METTL16: variants seen among roughly 807,000 people sequenced by gnomAD.
The protein encoded by METTL16 is methyltransferase 16, RNA N6-adenosine.
In METTL16, 19 loss-of-function variants were observed where a neutral mutation model predicts 57.9. That is an observed-to-expected ratio of 0.33 (90% CI 0.23 to 0.48). The LOEUF (loss-of-function observed/expected upper bound fraction) is 0.48. Among genes scored for constraint, METTL16 ranks in the 20% least tolerant of loss-of-function variants. The pLI is 0.99. For synonymous variants in METTL16, 246 were observed against 255.6 expected, an observed-to-expected ratio of 0.96 and a Z score of 0.36; for missense variants, 434 against 691.5, an observed-to-expected ratio of 0.63 and a Z score of 4.18.
At chr17:2,445,516 T>C (rs540358738) in intron 6 of METTL16, among the ~76,000 whole-genome samples, 1 of 152,328 alleles carries the variant, frequency 6.6e-6, no homozygotes, top group East Asian at 1.9e-4. Flanking sequence ...ATATGCGTGG[T>C]GGCTCACGCC....
rs1047779867 is a variant in METTL16, at chr17:2,443,963, T to G, written c.729-2404A>C. ...AAGTTTTAGTTTTTAGCATAGCATGTTGACTATAGTTAATAATGACATATT... is the reference window on the plus strand; with the variant it reads ...AAGTTTTAGTTTTTAGCATAGCATGGTGACTATAGTTAATAATGACATATT... On this transcript the variant is annotated intron_variant, in intron 6 of 9. Transcript: ENST00000263092. Among the ~76,000 whole-genome samples the G allele has an allele frequency of 7.2e-5, 11 of 152,218 alleles. No individual in the cohort carries two copies. The East Asian group carries it at 7.7e-4, about 11-fold the overall frequency.
At position 2,420,158 on chromosome 17, in the gene METTL16, C is replaced by T. The variant is rs1252021097; in HGVS notation, c.1501G>A (p.Ala501Thr). 1 of 1,614,226 alleles carries T rather than the reference C, an allele frequency of 6.2e-7. No homozygotes were observed. Among genetic ancestry groups the T allele is most frequent in the Admixed American group, 1.7e-5 (1 of 60,030 alleles). ...EASEQFGSPVAERGKRLPGVA... is the reference protein window; with the variant it reads ...EASEQFGSPVTERGKRLPGVA... ...CCTGGGAGACGTTTCCCCCTTTCAG[C>T]CACTGGGCTGCCGAACTGCTCAGAA... is the stretch of plus-strand genomic sequence containing the variant. Residue 501 changes from alanine to threonine, a missense_variant, in exon 10 of 10, where the codon GCT becomes ACT. Around this residue, in one of 5 missense-constraint regions of METTL16, gnomAD observed 168 missense variants for 149.6 expected, o/e 1.12. Coordinates refer to ENST00000263092, the MANE Select transcript of METTL16 (RefSeq NM_024086.4). The surrounding 1 kb of genome is among the most constrained non-coding windows in gnomAD (Gnocchi z 5.4).
intron 8 of METTL16, among the ~76,000 whole-genome samples, chr17:2,429,065 T>C (rs2066849207): frequency 6.6e-6 from 1 of 151,816 alleles, no homozygotes; most frequent in Non-Finnish European, 1.5e-5. Flanking sequence ...TCCATGTTGG[T>C]TGGGCTGGTC....
intron 8 of METTL16, among the ~76,000 whole-genome samples, chr17:2,426,512 C>G (rs899656961): frequency 1.3e-5 from 2 of 151,926 alleles, no homozygotes; most frequent in Non-Finnish European, 2.9e-5. Flanking sequence ...AGGTAGATCA[C>G]AAGGTCAGGA....
intron 6 of METTL16, among the ~76,000 whole-genome samples, chr17:2,444,943 T>A (rs1490652329): frequency 6.6e-6 from 1 of 152,096 alleles, no homozygotes; most frequent in African/African-American, 2.4e-5. Context: ...CTTGAACTCC[T>A]GACCTCAGGT....
At chr17:2,443,091 C>T (rs536563810) in intron 6 of METTL16, among the ~76,000 whole-genome samples, 41 of 152,040 alleles carry the variant, frequency 2.7e-4, no homozygotes, top group African/African-American at 9.2e-4. Context: ...CGGGCTCAAG[C>T]GATTTTCCCG....
At chr17:2,468,493 C>T (rs117796038) in intron 4 of METTL16, among the ~76,000 whole-genome samples, 108 of 152,200 alleles carry the variant, frequency 7.1e-4, no homozygotes, top group African/African-American at 2.4e-3. Flanking sequence ...ACAACTTGAC[C>T]GCAAATGCAT....
rs1481235973 is a variant in METTL16, at chr17:2,477,731, G to C, written c.283C>G (p.His95Asp). The change falls in exon 3 of 10, where the codon CAC (histidine) becomes GAC (aspartate). Residue 95 changes from histidine (H) to aspartate (D), a missense_variant. Around this residue, in one of 5 missense-constraint regions of METTL16, gnomAD observed 118 missense variants for 280.0 expected, o/e 0.42. Coordinates refer to ENST00000263092, the MANE Select transcript of METTL16 (RefSeq NM_024086.4). The stretch of plus-strand genomic sequence containing the variant: ...AGAGTACTTTTGTCAGAATCCTGGT[G>C]ACCGATCAGATCTTCTACCCAGTGA... ...YIHWVEDLIG[H>D]QDSDKSTLRR... The C allele has an allele frequency of 6.2e-7, 1 of 1,613,944 alleles. No homozygotes were observed. The highest frequency in any genetic ancestry group is 1.3e-5 in the African/African-American group (1 of 75,038).
chr17:2,468,011 T>C (rs1417725640), intron 4 of METTL16, 135 bp from the exon 5 acceptor site: 1 of 635,124 alleles, frequency 1.6e-6, no homozygotes, highest in Non-Finnish European at 2.8e-6. Flanking sequence ...ACCACATTTT[T>C]ACTGTACCTT....
chr17:2,441,125 A>G (rs889292944), intron 7 of METTL16, among the ~76,000 whole-genome samples: 8 of 152,208 alleles, frequency 5.3e-5, no homozygotes, highest in Admixed American at 4.6e-4. Flanking sequence ...ATTCAGCCAT[A>G]AAAAAGAATG....
At chr17:2,474,401 A>AAAAAAAAAAAG (rs1567898319) in intron 3 of METTL16, among the ~76,000 whole-genome samples, 2 of 151,150 alleles carry the variant, frequency 1.3e-5, no homozygotes, top group African/African-American at 4.9e-5. Context: ...AAAAAAAAAA[A>AAAAAAAAAAAG]AAAAAAGCTA....
At chr17:2,474,955 T>G (rs1279102404) in intron 3 of METTL16, among the ~76,000 whole-genome samples, 1 of 151,978 alleles carries the variant, frequency 6.6e-6, no homozygotes, top group Admixed American at 6.6e-5. Flanking sequence ...TCTTGGCCAA[T>G]TAGATCCTAA....
intron 3 of METTL16, among the ~76,000 whole-genome samples, chr17:2,473,977 T>G (rs1350339698): frequency 1.3e-5 from 2 of 152,208 alleles, no homozygotes; most frequent in Non-Finnish European, 2.9e-5. Context: ...GTCATACATG[T>G]TATGGCTACT....
downstream of METTL16, chr17:2,415,774 A>G (rs2066709771): frequency 6.6e-6 from 1 of 152,086 alleles, no homozygotes; most frequent in African/African-American, 2.4e-5. Context: ...GAGCCACCGC[A>G]CCCGGCCTTC....
intron 2 of METTL16, among the ~76,000 whole-genome samples, chr17:2,500,430 G>T (rs2067479023): frequency 6.6e-6 from 1 of 151,854 alleles, no homozygotes; most frequent in African/African-American, 2.4e-5. Flanking sequence ...ACAGGCTTGC[G>T]CCACCACACC....
At chr17:2,492,611 G>T (rs1172572015) in intron 2 of METTL16, among the ~76,000 whole-genome samples, 1 of 151,982 alleles carries the variant, frequency 6.6e-6, no homozygotes, top group Non-Finnish European at 1.5e-5. Context: ...CACAGCTAAG[G>T]CCGGCCACAG....
intron 6 of METTL16, among the ~76,000 whole-genome samples, chr17:2,448,800 TTTAAA>T (rs1298419055): frequency 0.084 from 5,337 of 63,754 alleles, 172 homozygotes; most frequent in South Asian, 0.17. Flanking sequence ...AAAAATAAAA[TTTAAA>T]AAAAAAAAAA....
At chr17:2,504,382 A>G (rs2067514536) in intron 1 of METTL16, among the ~76,000 whole-genome samples, 1 of 152,238 alleles carries the variant, frequency 6.6e-6, no homozygotes, top group African/African-American at 2.4e-5. Context: ...TATGTTATGT[A>G]TATTTTTCCA....
At chr17:2,494,831 C>CTATT (rs2151577183) in intron 2 of METTL16, among the ~76,000 whole-genome samples, 1 of 152,052 alleles carries the variant, frequency 6.6e-6, no homozygotes, top group East Asian at 1.9e-4. Context: ...AACCCCATCT[C>CTATT]TACTAAAATA....
Sources: allele counts gnomAD v4.1 joint callset (sites outside exome capture counted in the v4.1 genomes callset), GRCh38; gene constraint gnomAD v4.1.1; regional missense constraint gnomAD v4.1.1; non-coding constraint Gnocchi (gnomAD v3.1); transcripts MANE v1.5; gene names NCBI Gene and HGNC (gene_info 2026-07-23, HGNC 2026-07-21).